The following STAT5B variants were observed in gnomAD, a reference collection of about 807,000 sequenced individuals.
STAT5B encodes the protein signal transducer and activator of transcription 5B, also known as transcription factor STAT5B.
A neutral mutation model predicts 107.8 loss-of-function variants in STAT5B; 21 were observed. That is an observed-to-expected ratio of 0.19 (90% CI 0.14 to 0.28). The LOEUF is 0.28. Ranked by LOEUF, STAT5B falls within the 10% of genes least tolerant of loss-of-function variation. The pLI, the probability that STAT5B is intolerant of heterozygous loss-of-function variation, is 1.00. For missense variants in STAT5B, 565 were observed against 1,008.2 expected (o/e 0.56, Z 5.95); for synonymous variants, 325 against 401.7 (o/e 0.81, Z 2.28).
intron 1 of STAT5B, chr17:42,235,022 G>A (rs751205168): frequency 7.2e-5 from 11 of 152,220 alleles, no homozygotes; most frequent in Non-Finnish European, 1.3e-4. Flanking sequence ...GAATATGTGA[G>A]TGATACCAAC....
intron 1 of STAT5B, among the ~76,000 whole-genome samples, chr17:42,261,402 T>C (rs1180505106): frequency 6.6e-6 from 1 of 152,248 alleles, no homozygotes; most frequent in East Asian, 1.9e-4. Context: ...TTAACTACTT[T>C]ATGGATTTAG....
At chr17:42,285,356 T>C in the STAT5B span, among the ~76,000 whole-genome samples, 2 of 152,148 alleles carry the variant, frequency 1.3e-5, no homozygotes, top group Non-Finnish European at 2.9e-5. Context: ...CCTCCCAGAG[T>C]GCTGGGATTA....
intron 12 of STAT5B, among the ~76,000 whole-genome samples, chr17:42,212,909 T>TA: frequency 6.6e-6 from 1 of 152,384 alleles, no homozygotes; most frequent in East Asian, 1.9e-4. Context: ...TAAAGGCACC[T>TA]AACACAGTTT....
intron 4 of STAT5B, among the ~76,000 whole-genome samples, chr17:42,224,186 G>A (rs2080254216): frequency 6.6e-6 from 1 of 152,140 alleles, no homozygotes. Context: ...AGGGGCTAGG[G>A]AAAAGTCTTT....
intron 1 of STAT5B, among the ~76,000 whole-genome samples, chr17:42,254,987 A>G (rs1210390221): frequency 6.6e-6 from 1 of 152,128 alleles, no homozygotes; most frequent in Non-Finnish European, 1.5e-5. Flanking sequence ...GCTACTTGGG[A>G]GGCTGAGGCA....
the STAT5B span, among the ~76,000 whole-genome samples, chr17:42,282,672 G>A: frequency 6.6e-6 from 1 of 152,150 alleles, no homozygotes; most frequent in African/African-American, 2.4e-5. Context: ...TCCCAGCAGT[G>A]GGTCTTGCTA....
At chr17:42,217,722 CTT>C in intron 9 of STAT5B, 1 of 493,462 alleles carries the variant, frequency 2.0e-6, no homozygotes, top group African/African-American at 2.0e-5. Context: ...GAGTTTTGCT[CTT>C]GTTGCCCAGG....
In STAT5B at chr17:42,207,493, AC is replaced by A. The variant is rs2080094713; in HGVS notation, c.2077+64del. 3 of 949,236 alleles carry A rather than the reference AC, an allele frequency of 3.2e-6. No individual in the cohort carries two copies. The East Asian group carries it at 1.1e-4, about 35-fold the overall frequency. The allele number at this position is 949,236 out of a possible 1,614,324, so 58.8% of individuals were successfully genotyped here. A position where few individuals can be genotyped will look rare whatever the true frequency, so the allele number is the denominator to read the frequency against. On this transcript the variant is annotated intron_variant, in intron 16 of 18. Transcript: ENST00000293328. ...AGATAACACACGCAGGTATGCACAC[AC>A]ACACACACACACACACACACACACA...
At chr17:42,220,062 C>T (rs957798933) in intron 5 of STAT5B, among the ~76,000 whole-genome samples, 1 of 152,218 alleles carries the variant, frequency 6.6e-6, no homozygotes, top group Non-Finnish European at 1.5e-5. Flanking sequence ...GAGCCGTCCC[C>T]TCTGGGGGCA....
intron 2 of STAT5B, among the ~76,000 whole-genome samples, chr17:42,228,947 AAAC>A (rs1453433977): frequency 2.0e-5 from 3 of 152,194 alleles, no homozygotes; most frequent in Non-Finnish European, 4.4e-5. Context: ...AAACATAACA[AAAC>A]AAAACAAAAA....
chr17:42,218,092 T>A, intron 9 of STAT5B, 59 bp downstream of exon 9: 1 of 1,579,438 alleles, frequency 6.3e-7, no homozygotes, highest in African/African-American at 1.4e-5. Flanking sequence ...GAATTCTTTT[T>A]TTCCTGTTGC....
intron 16 of STAT5B, 71 bp downstream of exon 16, chr17:42,207,487 G>GTATGCA (rs2080094121): frequency 1.7e-6 from 2 of 1,198,584 alleles, no homozygotes; most frequent in African/African-American, 1.6e-5. Flanking sequence ...ACGCAGGTAT[G>GTATGCA]CACACACACA....
intron 1 of STAT5B, among the ~76,000 whole-genome samples, chr17:42,246,994 T>G (rs2080457583): frequency 6.6e-6 from 1 of 152,212 alleles, no homozygotes; most frequent in South Asian, 2.1e-4. Context: ...CTTCCTGTTT[T>G]GTTGATATCA....
rs1176770412 is a variant in STAT5B at position 42,201,547 on chromosome 17, CACACACAA to C, written c.*183_*190del. 3.0e-6 allele frequency: 2 copies of C among 665,556 alleles called. No homozygotes were observed. Among genetic ancestry groups the C allele is most frequent in the South Asian group, 3.3e-5 (2 of 60,120 alleles). 41.2% of individuals were successfully genotyped at this position (665,556 alleles called of 1,614,324 possible). ...ACGCACACACACACACACACACACACACACACAAACACATACTCGCACTCCCTTCGCTG... is the reference window on the plus strand; with the variant it reads ...ACGCACACACACACACACACACACACACACATACTCGCACTCCCTTCGCTG... On this transcript the variant is annotated 3_prime_UTR_variant, in exon 19 of 19. Transcript: ENST00000293328.
At chr17:42,274,797 T>C (rs760028189) in intron 1 of STAT5B, 1 of 152,188 alleles carries the variant, frequency 6.6e-6, no homozygotes, top group Non-Finnish European at 1.5e-5. Flanking sequence ...CACAGTTCTA[T>C]TACCTTAATT....
intron 1 of STAT5B, among the ~76,000 whole-genome samples, chr17:42,239,305 T>C (rs1414459827): frequency 6.6e-6 from 1 of 151,492 alleles, no homozygotes; most frequent in Non-Finnish European, 1.5e-5. Context: ...TTCTAATATG[T>C]TGTTGAACAG....
chr17:42,222,025 T>TGTGTG (rs1326520142), intron 5 of STAT5B, among the ~76,000 whole-genome samples: 11 of 137,998 alleles, frequency 8.0e-5, no homozygotes, highest in African/African-American at 2.8e-4. Flanking sequence ...TGGTGTGGTG[T>TGTGTG]GTGTGGTGTG....
chr17:42,223,361 T>C (rs2080246138), intron 5 of STAT5B, 21 bp downstream of exon 5: 1 of 1,614,118 alleles, frequency 6.2e-7, no homozygotes, highest in South Asian at 1.1e-5. Flanking sequence ...AGTTGCACAA[T>C]GTGCCTCCAC....
chr17:42,238,372 A>G (rs2080373917), intron 1 of STAT5B, among the ~76,000 whole-genome samples: 1 of 149,240 alleles, frequency 6.7e-6, no homozygotes, highest in South Asian at 2.2e-4. Flanking sequence ...CTGGTCTCAA[A>G]CTCCTCACCT....
Sources: allele counts gnomAD v4.1 joint callset (sites outside exome capture counted in the v4.1 genomes callset), GRCh38; gene constraint gnomAD v4.1.1; transcripts MANE v1.5; gene names NCBI Gene and HGNC (gene_info 2026-07-23, HGNC 2026-07-21).